The following DCAF5 variants were observed in gnomAD, a reference collection of about 807,000 sequenced individuals.
DCAF5 encodes DDB1- and CUL4-associated factor 5.
In DCAF5, 9 loss-of-function variants were observed where a neutral mutation model predicts 80.7. The ratio of observed to expected loss-of-function variants is 0.11; its 90% CI spans 0.07 to 0.19. The LOEUF is 0.19. Ranked by LOEUF, DCAF5 falls within the 10% of genes least tolerant of loss-of-function variation. The probability of loss-of-function intolerance (pLI) is 1.00; values close to 1 mark genes in which losing one functional copy is unlikely to be tolerated. For missense variants in DCAF5, 842 were observed against 1,205.7 expected (o/e 0.70, Z 4.47); for synonymous variants, 433 against 461.9 (o/e 0.94, Z 0.80).
Position 69,050,981 on chromosome 14 carries a change from GAGA to G in DCAF5, c.*2873_*2875del, listed in dbSNP as rs1003716923. The G allele has an allele frequency of 2.0e-5, 3 of 152,648 alleles. No individual in the cohort carries two copies. The highest frequency in any genetic ancestry group is 4.8e-5 in the African/African-American group (2 of 41,452). 9.5% of individuals were successfully genotyped at this position (152,648 alleles called of 1,614,324 possible). A position where few individuals can be genotyped will look rare whatever the true frequency, so the allele number is the denominator to read the frequency against. On this transcript the variant is annotated 3_prime_UTR_variant, in exon 9 of 9. Coordinates refer to ENST00000341516, the MANE Select transcript of DCAF5 (RefSeq NM_003861.3). ...AGAGAAGAGTTAACCGTTACTGGGT[GAGA>G]AGGAGGTAAGGCTTCAGCAGAGGAA...
At chr14:69,129,351 C>A (rs2040970511) in intron 1 of DCAF5, among the ~76,000 whole-genome samples, 1 of 152,284 alleles carries the variant, frequency 6.6e-6, no homozygotes, top group Admixed American at 6.5e-5. Flanking sequence ...GTATTAAGAG[C>A]CCTATGCAAA....
At chr14:69,109,200 C>T (rs1434921017) in intron 5 of DCAF5, among the ~76,000 whole-genome samples, 2 of 151,826 alleles carry the variant, frequency 1.3e-5, no homozygotes, top group Non-Finnish European at 2.9e-5. Context: ...AGAAATTAGC[C>T]GGGCGTGGTG....
Position 69,129,678 on chromosome 14 carries a change from C to T in DCAF5, c.215-7318G>A, listed in dbSNP as rs574103875. Among the ~76,000 whole-genome samples the T allele has an allele frequency of 1.6e-3, 246 of 152,286 alleles. 5 individuals carry two copies. Among genetic ancestry groups the T allele is most frequent in the East Asian group, 7.7e-4 (4 of 5,182 alleles). ...GATCATTTCAGACCATTTAAGCCAG[C>T]CCCATGGGCCTGGCAGTTGGATGAG... On this transcript the variant is annotated intron_variant, in intron 1 of 8. Transcript: ENST00000341516.
rs908022970 is a variant in DCAF5 at position 69,118,622 on chromosome 14, C to T, written c.396-344G>A. 1.3e-5 allele frequency among the ~76,000 whole-genome samples: 2 copies of T among 152,144 alleles called. No homozygotes were observed. The highest frequency in any genetic ancestry group is 4.8e-5 in the African/African-American group (2 of 41,456). Reference sequence around the variant, plus strand: ...TTGATTTTCAAAAAGCAAGGGAAAGCTTTAAAGCAGCCAAGTCTGATGCCT... The same window carrying T: ...TTGATTTTCAAAAAGCAAGGGAAAGTTTTAAAGCAGCCAAGTCTGATGCCT... On this transcript the variant is annotated intron_variant, in intron 3 of 8. Transcript: ENST00000341516. The surrounding 1 kb of genome is among the most constrained non-coding windows in gnomAD (Gnocchi z 4.0).
intron 5 of DCAF5, among the ~76,000 whole-genome samples, chr14:69,110,177 C>G (rs2040306786): frequency 6.7e-6 from 1 of 149,384 alleles, no homozygotes; most frequent in African/African-American, 2.5e-5. Flanking sequence ...TTTTTACTTA[C>G]TGATTTGTAC....
chr14:69,082,703 G>A (rs1202868130), intron 6 of DCAF5, among the ~76,000 whole-genome samples: 1 of 152,164 alleles, frequency 6.6e-6, no homozygotes, highest in African/African-American at 2.4e-5. Flanking sequence ...GGAGATGATA[G>A]CACTCACTTC....
In DCAF5 at chr14:69,051,341, G is replaced by A. The variant is rs1205038272; in HGVS notation, c.*2516C>T. 2 of 152,584 alleles carry A rather than the reference G, an allele frequency of 1.3e-5. No homozygotes were observed. The highest frequency in any genetic ancestry group is 2.9e-5 in the Non-Finnish European group (2 of 68,038). 9.5% of individuals were successfully genotyped at this position (152,584 alleles called of 1,614,324 possible). A position where few individuals can be genotyped will look rare whatever the true frequency, so the allele number is the denominator to read the frequency against. On this transcript the variant is annotated 3_prime_UTR_variant, in exon 9 of 9. Coordinates refer to ENST00000341516, the MANE Select transcript of DCAF5 (RefSeq NM_003861.3). ...AAGTTGGGGCCTCAATTCTAAAAGA[G>A]TTTAGGCAAAGGTACTCTAGAAGTG...
At chr14:69,073,541 A>G (rs2038782450) in intron 7 of DCAF5, among the ~76,000 whole-genome samples, 1 of 152,014 alleles carries the variant, frequency 6.6e-6, no homozygotes, top group African/African-American at 2.4e-5. Flanking sequence ...TACGCCCAGC[A>G]CTTTGGGAGG....
At chr14:69,108,792 A>C (rs1389623818) in intron 5 of DCAF5, among the ~76,000 whole-genome samples, 2 of 152,154 alleles carry the variant, frequency 1.3e-5, no homozygotes, top group Non-Finnish European at 2.9e-5. Flanking sequence ...AATAACCAGA[A>C]GGCATGCCCC....
chr14:69,152,726 G>A lies in DCAF5; in HGVS notation c.214+39C>T, dbSNP rs200017545. On this transcript the variant is annotated intron_variant, in intron 1 of 8. Transcript: ENST00000341516. This position sits in a 1 kb window ranked among gnomAD's most constrained non-coding sequence, Gnocchi z 4.1. ...AGAGCGAGAGGGGGAGGCTGGGAGG[G>A]TGCGGGGAGGCGCGGGGAGGGGAAG... 0.012 allele frequency: 18,044 copies of A among 1,531,374 alleles called. 119 individuals carry two copies. Among genetic ancestry groups the A allele is most frequent in the Non-Finnish European group, 0.014 (15,696 of 1,124,838 alleles). 94.9% of individuals were successfully genotyped at this position (1,531,374 alleles called of 1,614,324 possible). A position where few individuals can be genotyped will look rare whatever the true frequency, so the allele number is the denominator to read the frequency against.
chr14:69,098,418 C>A (rs550177432), intron 5 of DCAF5, among the ~76,000 whole-genome samples: 2 of 152,158 alleles, frequency 1.3e-5, no homozygotes, highest in Middle Eastern at 3.2e-3. Context: ...ATCTTACATA[C>A]CATATATTTT....
At chr14:69,128,547 C>T (rs188892088) in intron 1 of DCAF5, among the ~76,000 whole-genome samples, 4 of 152,282 alleles carry the variant, frequency 2.6e-5, no homozygotes, top group African/African-American at 9.6e-5. Context: ...AAAAACAAGA[C>T]TGCAGGATGG....
intron 1 of DCAF5, among the ~76,000 whole-genome samples, chr14:69,134,020 C>T (rs1233395228): frequency 6.6e-6 from 1 of 152,160 alleles, no homozygotes; most frequent in Non-Finnish European, 1.5e-5. Context: ...AATCCACAAA[C>T]ATTCAAATAT....
intron 2 of DCAF5, 110 bp from the exon 3 acceptor site, chr14:69,119,340 C>A: frequency 5.8e-6 from 6 of 1,026,228 alleles, no homozygotes; most frequent in East Asian, 2.6e-5. Context: ...AAAGCCAATG[C>A]TAATACAAAT....
chr14:69,087,230 C>CTGGCAT lies in DCAF5; in HGVS notation c.879+4438_879+4443dup, dbSNP rs1256649423. Reference sequence around the variant, plus strand: ...GCCAGAAAAGCCAGCAGGTAGAATACTGGCATTCTTTTTTAACCCTATTAA... The same window carrying CTGGCAT: ...GCCAGAAAAGCCAGCAGGTAGAATACTGGCATTGGCATTCTTTTTTAACCCTATTAA... On this transcript the variant is annotated intron_variant, in intron 6 of 8. Transcript: ENST00000341516. 2.6e-5 allele frequency among the ~76,000 whole-genome samples: 4 copies of CTGGCAT among 152,296 alleles called. No homozygotes were observed. In the East Asian group the frequency reaches 7.7e-4, roughly 29 times the overall value.
chr14:69,085,119 G>A lies in DCAF5; in HGVS notation c.879+6555C>T, dbSNP rs2039266445. 9 of 813,240 alleles carry A rather than the reference G, an allele frequency of 1.1e-5. No individual in the cohort carries two copies. The South Asian group carries it at 1.2e-4, about 11-fold the overall frequency. The allele number at this position is 813,240 out of a possible 1,614,324, so 50.4% of individuals were successfully genotyped here. On this transcript the variant is annotated intron_variant, in intron 6 of 8. Coordinates refer to ENST00000341516, the MANE Select transcript of DCAF5 (RefSeq NM_003861.3). ...CTACTTTTTTCATAAGTCAGCTCAG[G>A]AAGCATATAAATCATACATACAAAC...
chr14:69,055,765 G>A lies in DCAF5; in HGVS notation c.1075-154C>T, dbSNP rs957645993. Among the ~76,000 whole-genome samples, 1 of 152,170 alleles carries A rather than the reference G, an allele frequency of 6.6e-6. No homozygotes were observed. The highest frequency in any genetic ancestry group is 2.4e-5 in the African/African-American group (1 of 41,444). On this transcript the variant is annotated intron_variant, in intron 8 of 8. Transcript: ENST00000341516. This position sits in a 1 kb window ranked among gnomAD's most constrained non-coding sequence, Gnocchi z 5.6. ...CAACTTAAAAATAAGTTCTTTACCA[G>A]ACTGGATCATGTGGGTTATGTATGA...
At chr14:69,058,937 C>T (rs914067553) in intron 8 of DCAF5, among the ~76,000 whole-genome samples, 2 of 150,942 alleles carry the variant, frequency 1.3e-5, no homozygotes, top group Non-Finnish European at 1.5e-5. Flanking sequence ...AGAGACAAGA[C>T]GAGAGATGAG....
intron 6 of DCAF5, among the ~76,000 whole-genome samples, chr14:69,085,999 G>A (rs1042885653): frequency 5.9e-5 from 9 of 152,086 alleles, no homozygotes; most frequent in Non-Finnish European, 7.4e-5. Flanking sequence ...CACTACTGTC[G>A]GCCTCAGTTT....
Sources: allele counts gnomAD v4.1 joint callset (sites outside exome capture counted in the v4.1 genomes callset), GRCh38; gene constraint gnomAD v4.1.1; non-coding constraint Gnocchi (gnomAD v3.1); transcripts MANE v1.5; gene names NCBI Gene and HGNC (gene_info 2026-07-23, HGNC 2026-07-21).